The following UGT2B17 variants were observed in gnomAD, a reference collection of about 807,000 sequenced individuals.
UGT2B17 encodes the protein UDP-glucuronosyltransferase 2B17.
UGT2B17 carries 21 observed loss-of-function variants against 48.2 expected under a neutral mutation model. That is an observed-to-expected ratio of 0.44 (90% CI 0.31 to 0.63). The LOEUF is 0.63. UGT2B17 is among the 20% of genes least tolerant of loss of function. UGT2B17 has a pLI of 0.08. For missense variants in UGT2B17, 402 were observed against 696.1 expected, an observed-to-expected ratio of 0.58 and a Z score of 4.75; for synonymous variants, 146 against 238.4, an observed-to-expected ratio of 0.61 and a Z score of 3.57.
rs1347719569 is a variant in UGT2B17 at position 68,571,157 on chromosome 4, GC to G, written c.-64-2610del. On this transcript the variant is annotated intron_variant, in intron 1 of 6. Transcript: ENST00000317746. ...CCAATATCCTCATGAGCCATCTTGT[GC>G]CTAAGTGGCGGGTCCATAGTATTGT... 4.8e-5 allele frequency among the ~76,000 whole-genome samples: 6 copies of G among 125,544 alleles called. 1 individual carries two copies. The highest frequency in any genetic ancestry group is 1.0e-4 in the Non-Finnish European group (6 of 59,394). 82.4% of individuals were successfully genotyped at this position (125,544 alleles called of 152,430 possible). A position where few individuals can be genotyped will look rare whatever the true frequency, so the allele number is the denominator to read the frequency against.
rs1194609178 is a variant in UGT2B17, at chr4:68,558,688, G to A, written c.1005+1849C>T. Among the ~76,000 whole-genome samples the A allele has an allele frequency of 7.2e-5, 9 of 125,790 alleles. 3 individuals are homozygous for A. In the South Asian group the frequency reaches 2.6e-3, roughly 36 times the overall value. 82.5% of individuals were successfully genotyped at this position (125,790 alleles called of 152,430 possible). A position where few individuals can be genotyped will look rare whatever the true frequency, so the allele number is the denominator to read the frequency against. ...TAGGAATAAACCTTCCTTGCCATTA[G>A]AGATCAGATGAAAACCTGAGACCAG... On this transcript the variant is annotated intron_variant, in intron 4 of 6. Coordinates refer to ENST00000317746, the MANE Select transcript of UGT2B17 (RefSeq NM_001077.4).
At chr4:68,551,776 T>G in intron 5 of UGT2B17, 48 bp downstream of exon 5, 1 of 1,118,602 alleles carries the variant, frequency 8.9e-7, no homozygotes, top group Non-Finnish European at 1.2e-6. Flanking sequence ...TTATCACTTC[T>G]AATTGGCTGT....
At position 68,562,511 on chromosome 4, in the gene UGT2B17, T is replaced by G. The variant is rs767740827; in HGVS notation, c.874-1843A>C. ...TAATTGCAGTTGCCTGTAGCCACAT[T>G]TAATGTAACTTCGGTTTAATGTTTT... On this transcript the variant is annotated intron_variant, in intron 3 of 6. Transcript: ENST00000317746. Among the ~76,000 whole-genome samples, 7 of 125,686 alleles carry G rather than the reference T, an allele frequency of 5.6e-5. 1 individual carries two copies. Among genetic ancestry groups the G allele is most frequent in the Non-Finnish European group, 1.2e-4 (7 of 59,540 alleles). The allele number at this position is 125,686 out of a possible 152,430, so 82.5% of individuals were successfully genotyped here. A position where few individuals can be genotyped will look rare whatever the true frequency, so the allele number is the denominator to read the frequency against.
chr4:68,561,217 C>T (rs1731096682), intron 3 of UGT2B17, among the ~76,000 whole-genome samples: 1 of 122,644 alleles, frequency 8.2e-6, no homozygotes, highest in Non-Finnish European at 1.7e-5. Context: ...GCTTCTTTAG[C>T]TCTCTAACCC....
intron 6 of UGT2B17, 139 bp from the exon 7 acceptor site, chr4:68,538,043 T>C: frequency 1.5e-6 from 1 of 648,306 alleles, no homozygotes; most frequent in South Asian, 7.7e-5. Context: ...ATATTAATGT[T>C]TTAATGTATG....
At chr4:68,574,811 C>G (rs1344571869) in intron 1 of UGT2B17, among the ~76,000 whole-genome samples, 1 of 125,466 alleles carries the variant, frequency 8.0e-6, no homozygotes. Context: ...TCACGACTTT[C>G]GCCAACAATT....
intron 3 of UGT2B17, among the ~76,000 whole-genome samples, chr4:68,565,323 G>A (rs955642494): frequency 1.6e-5 from 2 of 125,696 alleles, no homozygotes; most frequent in African/African-American, 5.5e-5. Flanking sequence ...TATCTTGTGG[G>A]TTGCACAATG....
intron 6 of UGT2B17, among the ~76,000 whole-genome samples, chr4:68,545,166 A>T (rs1398458497): frequency 7.9e-6 from 1 of 126,324 alleles, no homozygotes; most frequent in Non-Finnish European, 1.7e-5. Flanking sequence ...CTGACCACAT[A>T]GTTGGAAGTA....
At chr4:68,543,750 G>A (rs1185100868) in intron 6 of UGT2B17, among the ~76,000 whole-genome samples, 1 of 125,322 alleles carries the variant, frequency 8.0e-6, no homozygotes, top group African/African-American at 2.7e-5. Flanking sequence ...ACCTGATGGA[G>A]CTGAAAACCA....
At chr4:68,543,914 A>T (rs1730739861) in intron 6 of UGT2B17, among the ~76,000 whole-genome samples, 1 of 126,300 alleles carries the variant, frequency 7.9e-6, no homozygotes, top group Non-Finnish European at 1.7e-5. Context: ...CAAAGCCTCC[A>T]AGAAATATGG....
Position 68,571,305 on chromosome 4 carries a change from G to A in UGT2B17, c.-64-2757C>T, listed in dbSNP as rs753129906. On this transcript the variant is annotated intron_variant, in intron 1 of 6. Transcript: ENST00000317746. ...TGTTTTTATGGGCAGTAAGAAGAAAGAAGGCTTAATGGTGCGAATTACACA... is the reference window on the plus strand; with the variant it reads ...TGTTTTTATGGGCAGTAAGAAGAAAAAAGGCTTAATGGTGCGAATTACACA... Among the ~76,000 whole-genome samples the A allele has an allele frequency of 2.4e-5, 3 of 125,804 alleles. 1 individual carries two copies. Among genetic ancestry groups the A allele is most frequent in the Non-Finnish European group, 5.0e-5 (3 of 59,508 alleles). 82.5% of individuals were successfully genotyped at this position (125,804 alleles called of 152,430 possible).
rs1315799573 is a variant in UGT2B17, at chr4:68,566,166, T to C, written c.725-446A>G. Among the ~76,000 whole-genome samples the C allele has an allele frequency of 3.4e-5, 4 of 119,060 alleles. 1 individual carries two copies. Among genetic ancestry groups the C allele is most frequent in the African/African-American group, 1.1e-4 (4 of 35,368 alleles). 78.1% of individuals were successfully genotyped at this position (119,060 alleles called of 152,430 possible). A position where few individuals can be genotyped will look rare whatever the true frequency, so the allele number is the denominator to read the frequency against. ...GTTTTAATTTAATATTTAAATTATT[T>C]AATAAAATAATTTAATATAATGTAA... On this transcript the variant is annotated intron_variant, in intron 2 of 6. Transcript: ENST00000317746.
rs1384520949 is a variant in UGT2B17, at chr4:68,574,959, T to C, written c.-65+992A>G. Among the ~76,000 whole-genome samples the C allele has an allele frequency of 4.1e-5, 5 of 122,248 alleles. 1 individual carries two copies. Among genetic ancestry groups the C allele is most frequent in the Non-Finnish European group, 8.6e-5 (5 of 58,440 alleles). The allele number at this position is 122,248 out of a possible 152,430, so 80.2% of individuals were successfully genotyped here. ...AATTTTACCTCCTCCCCCCCCTTTTTTTTTTGAAGATAACCATTCCTTTTT... is the reference window on the plus strand; with the variant it reads ...AATTTTACCTCCTCCCCCCCCTTTTCTTTTTGAAGATAACCATTCCTTTTT... On this transcript the variant is annotated intron_variant, in intron 1 of 6. Transcript: ENST00000317746.
rs1730865635 is a variant in UGT2B17, at chr4:68,548,754, T to G, written c.1313+1923A>C. On this transcript the variant is annotated intron_variant, in intron 6 of 6. Coordinates refer to ENST00000317746, the MANE Select transcript of UGT2B17 (RefSeq NM_001077.4). ...AGGCATATTCCTAGGTATTTTATTC[T>G]CTTTGTTGCAATTGCAAATGGGAAT... is the stretch of plus-strand genomic sequence containing the variant. Among the ~76,000 whole-genome samples, 3 of 124,848 alleles carry G rather than the reference T, an allele frequency of 2.4e-5. 1 individual carries two copies. The highest frequency in any genetic ancestry group is 8.2e-5 in the African/African-American group (3 of 36,636). 81.9% of individuals were successfully genotyped at this position (124,848 alleles called of 152,430 possible). A position where few individuals can be genotyped will look rare whatever the true frequency, so the allele number is the denominator to read the frequency against.
chr4:68,544,070 A>T lies in UGT2B17; in HGVS notation c.1314-6166T>A, dbSNP rs552012235. On this transcript the variant is annotated intron_variant, in intron 6 of 6. Transcript: ENST00000317746. Reference sequence around the variant, plus strand: ...AGGCAGGCTGACATTCAAATTCAAGACATACAGAGAATGCCATAAAGATAC... The same window carrying T: ...AGGCAGGCTGACATTCAAATTCAAGTCATACAGAGAATGCCATAAAGATAC... 4.0e-4 allele frequency among the ~76,000 whole-genome samples: 50 copies of T among 125,996 alleles called. 11 individuals carry two copies. The highest frequency in any genetic ancestry group is 6.9e-4 in the Non-Finnish European group (41 of 59,566). The allele number at this position is 125,996 out of a possible 152,430, so 82.7% of individuals were successfully genotyped here. A position where few individuals can be genotyped will look rare whatever the true frequency, so the allele number is the denominator to read the frequency against.
chr4:68,546,540 A>G lies in UGT2B17; in HGVS notation c.1313+4137T>C, dbSNP rs1730811967. On this transcript the variant is annotated intron_variant, in intron 6 of 6. Coordinates refer to ENST00000317746, the MANE Select transcript of UGT2B17 (RefSeq NM_001077.4). ...CAAGACAGGGATGCCCTCTCTCACCACTCCTATTCAACACAGTGTTGGATG... is the reference window on the plus strand; with the variant it reads ...CAAGACAGGGATGCCCTCTCTCACCGCTCCTATTCAACACAGTGTTGGATG... 1.6e-5 allele frequency among the ~76,000 whole-genome samples: 2 copies of G among 125,564 alleles called. 1 individual carries two copies. Among genetic ancestry groups the G allele is most frequent in the African/African-American group, 5.4e-5 (2 of 36,774 alleles). The allele number at this position is 125,564 out of a possible 152,430, so 82.4% of individuals were successfully genotyped here. A position where few individuals can be genotyped will look rare whatever the true frequency, so the allele number is the denominator to read the frequency against.
Position 68,564,629 on chromosome 4 carries a change from T to G in UGT2B17, c.873+943A>C, listed in dbSNP as rs185751558. ...CTCAACCTTTTCCTGTAAACTAAAT[T>G]TGGAGTCCTGGGAACTGCCCTTACT... On this transcript the variant is annotated intron_variant, in intron 3 of 6. Coordinates refer to ENST00000317746, the MANE Select transcript of UGT2B17 (RefSeq NM_001077.4). Among the ~76,000 whole-genome samples the G allele has an allele frequency of 7.4e-3, 927 of 125,088 alleles. 183 individuals are homozygous for G. Among genetic ancestry groups the G allele is most frequent in the African/African-American group, 0.023 (856 of 36,524 alleles). 82.1% of individuals were successfully genotyped at this position (125,088 alleles called of 152,430 possible).
rs1219621519 is a variant in UGT2B17 at position 68,547,451 on chromosome 4, A to T, written c.1313+3226T>A. On this transcript the variant is annotated intron_variant, in intron 6 of 6. Transcript: ENST00000317746. ...AAGATGGATTAAAGACTTACATGTT[A>T]GACCTAAAACCATAAAAACTCTAGA... is the stretch of plus-strand genomic sequence containing the variant. Among the ~76,000 whole-genome samples the T allele has an allele frequency of 2.4e-4, 30 of 126,166 alleles. 8 individuals are homozygous for T. The highest frequency in any genetic ancestry group is 4.0e-4 in the Non-Finnish European group (24 of 59,586). The allele number at this position is 126,166 out of a possible 152,430, so 82.8% of individuals were successfully genotyped here. A position where few individuals can be genotyped will look rare whatever the true frequency, so the allele number is the denominator to read the frequency against.
chr4:68,573,559 A>G lies in UGT2B17; in HGVS notation c.-65+2392T>C, dbSNP rs552384172. On this transcript the variant is annotated intron_variant, in intron 1 of 6. Transcript: ENST00000317746. Reference sequence around the variant, plus strand: ...CTTCGATTGCATCTAAATAGATGTGAGAGTTGAAAGACTTATAAGGGGCTC... The same window carrying G: ...CTTCGATTGCATCTAAATAGATGTGGGAGTTGAAAGACTTATAAGGGGCTC... 2.1e-4 allele frequency among the ~76,000 whole-genome samples: 27 copies of G among 126,238 alleles called. 6 individuals are homozygous for G. In the South Asian group the frequency reaches 8.4e-3, roughly 39 times the overall value. The allele number at this position is 126,238 out of a possible 152,430, so 82.8% of individuals were successfully genotyped here. A position where few individuals can be genotyped will look rare whatever the true frequency, so the allele number is the denominator to read the frequency against.
Sources: allele counts gnomAD v4.1 joint callset (sites outside exome capture counted in the v4.1 genomes callset), GRCh38; gene constraint gnomAD v4.1.1; transcripts MANE v1.5; gene names NCBI Gene and HGNC (gene_info 2026-07-23, HGNC 2026-07-21).